The following FAM240B variants were observed in gnomAD, a reference collection of about 807,000 sequenced individuals.
The protein encoded by FAM240B is protein FAM240B.
chr9:38,697,205 G>A (rs1035957379), intron 2 of FAM240B, among the ~76,000 whole-genome samples: 18 of 152,328 alleles, frequency 1.2e-4, no homozygotes, highest in Admixed American at 1.1e-3. Flanking sequence ...CAGATGTAAG[G>A]AGCAAAGTTG....
chr9:38,703,875 T>C lies in FAM240B; in HGVS notation c.125A>G (p.Glu42Gly), dbSNP rs1327051305. ...CACATACTTTTTCAGGGCGCTTCTT[T>C]CTTGACGATCTTCCTCCAGTTCTCG... ...FYRELEEDRQ[E>G]RSALKKLREE... is the part of the protein sequence containing the mutation. Residue 42 changes from glutamate to glycine, a missense_variant, in exon 2 of 3, where the codon GAA (glutamate) becomes GGA (glycine). Coordinates refer to ENST00000637493, the MANE Select transcript of FAM240B (RefSeq NM_001394922.1). The C allele has an allele frequency of 2.5e-6, 1 of 400,408 alleles. No homozygotes were observed. Among genetic ancestry groups the C allele is most frequent in the Non-Finnish European group, 4.4e-6 (1 of 226,122 alleles). The allele number at this position is 400,408 out of a possible 1,614,324, so 24.8% of individuals were successfully genotyped here.
chr9:38,713,481 C>CAAAAAAAAAAAAA (rs77404875), intron 1 of FAM240B, among the ~76,000 whole-genome samples: 1 of 83,592 alleles, frequency 1.2e-5, no homozygotes, highest in Non-Finnish European at 2.1e-5. Flanking sequence ...CCGTTTCAAA[C>CAAAAAAAAAAAAA]AAAAAAAAAA....
At chr9:38,708,225 A>C (rs1821213454) in intron 1 of FAM240B, among the ~76,000 whole-genome samples, 1 of 151,564 alleles carries the variant, frequency 6.6e-6, no homozygotes, top group African/African-American at 2.4e-5. Context: ...TTTTCTCGAA[A>C]CCTCCTCCCT....
At chr9:38,698,643 A>T (rs900678209) in intron 2 of FAM240B, among the ~76,000 whole-genome samples, 2 of 152,158 alleles carry the variant, frequency 1.3e-5, no homozygotes, top group Non-Finnish European at 2.9e-5. Context: ...AAAAAATCTC[A>T]TACACATCTA....
chr9:38,706,330 A>G (rs1264140389), intron 1 of FAM240B, among the ~76,000 whole-genome samples: 2 of 151,618 alleles, frequency 1.3e-5, no homozygotes, highest in East Asian at 3.9e-4. Context: ...TGGAGCCTGC[A>G]CTCTTCCCAC....
At chr9:38,695,026 C>T (rs897706539) in intron 2 of FAM240B, among the ~76,000 whole-genome samples, 157 bp from the exon 3 acceptor site, 2 of 152,160 alleles carry the variant, frequency 1.3e-5, no homozygotes, top group South Asian at 2.1e-4. Context: ...GTTCAACTCC[C>T]ACTTATGAGT....
intron 2 of FAM240B, among the ~76,000 whole-genome samples, chr9:38,697,189 G>A (rs1039956826): frequency 5.3e-5 from 8 of 152,180 alleles, no homozygotes; most frequent in African/African-American, 1.9e-4. Context: ...ATGAAAATGC[G>A]CCACTCAGAT....
chr9:38,718,026 C>G (rs1476983651), intron 1 of FAM240B, among the ~76,000 whole-genome samples: 2 of 152,076 alleles, frequency 1.3e-5, no homozygotes, highest in African/African-American at 4.8e-5. Flanking sequence ...CGTATGTGTA[C>G]AAAATATTGT....
Position 38,694,689 on chromosome 9 carries a change from A to T in FAM240B, c.*87T>A. 1 of 397,814 alleles carries T rather than the reference A, an allele frequency of 2.5e-6. No homozygotes were observed. The highest frequency in any genetic ancestry group is 4.4e-6 in the Non-Finnish European group (1 of 225,740). The allele number at this position is 397,814 out of a possible 1,614,324, so 24.6% of individuals were successfully genotyped here. On this transcript the variant is annotated 3_prime_UTR_variant, in exon 3 of 3. Transcript: ENST00000637493. ...AGCACAAATAGAGAGCGTCCTGTTT[A>T]GTAAATCAGCACAACTTGAGTGTTA...
intron 2 of FAM240B, among the ~76,000 whole-genome samples, chr9:38,698,987 T>C (rs922155812): frequency 5.3e-5 from 8 of 152,292 alleles, no homozygotes; most frequent in African/African-American, 1.7e-4. Flanking sequence ...GGAAGGTCCA[T>C]AGGAGGAAGA....
chr9:38,713,261 G>A (rs12005638), intron 1 of FAM240B, among the ~76,000 whole-genome samples: 2,411 of 152,126 alleles, frequency 0.016, 53 homozygotes, highest in African/African-American at 0.056. Context: ...GACGGATCAC[G>A]AGGTCAGGAG....
At chr9:38,701,428 T>C (rs1252454482) in intron 2 of FAM240B, among the ~76,000 whole-genome samples, 1 of 152,226 alleles carries the variant, frequency 6.6e-6, no homozygotes, top group Non-Finnish European at 1.5e-5. Flanking sequence ...GAGTTGTGTA[T>C]GTGTTTGCTT....
chr9:38,711,366 T>G (rs760284880), intron 1 of FAM240B, among the ~76,000 whole-genome samples: 5 of 152,178 alleles, frequency 3.3e-5, no homozygotes, highest in Non-Finnish European at 7.3e-5. Flanking sequence ...TCACCCAAGG[T>G]GAAAATACCT....
At chr9:38,709,959 A>G (rs16935345) in intron 1 of FAM240B, among the ~76,000 whole-genome samples, 8 of 152,140 alleles carry the variant, frequency 5.3e-5, no homozygotes, top group Non-Finnish European at 7.4e-5. Context: ...GGGAGCGTGT[A>G]TGTGCTCTTG....
At chr9:38,711,659 CTTTTTTT>C (rs71365908) in intron 1 of FAM240B, among the ~76,000 whole-genome samples, 7 of 139,028 alleles carry the variant, frequency 5.0e-5, no homozygotes, top group African/African-American at 1.6e-4. Flanking sequence ...CTTTCTTCTT[CTTTTTTT>C]TTTTTTTTTT....
chr9:38,698,813 C>T (rs974726312), intron 2 of FAM240B, among the ~76,000 whole-genome samples: 1 of 152,200 alleles, frequency 6.6e-6, no homozygotes, highest in African/African-American at 2.4e-5. Flanking sequence ...ATTCAGGCCT[C>T]CATCTATCCA....
At position 38,715,138 on chromosome 9, in the gene FAM240B, G is replaced by A. The variant is rs543342486; in HGVS notation, c.-4+4884C>T. On this transcript the variant is annotated intron_variant, in intron 1 of 2. Coordinates refer to ENST00000637493, the MANE Select transcript of FAM240B (RefSeq NM_001394922.1). ...ACCATCAGCAGACAGGAATTAAGGA[G>A]CATTGTTTGCCTGAGGAACATTTTC... Among the ~76,000 whole-genome samples, 10 of 152,292 alleles carry A rather than the reference G, an allele frequency of 6.6e-5. No individual in the cohort carries two copies. In the East Asian group the frequency reaches 1.7e-3, roughly 26 times the overall value.
At chr9:38,708,980 C>T (rs1054086029) in intron 1 of FAM240B, among the ~76,000 whole-genome samples, 2 of 151,974 alleles carry the variant, frequency 1.3e-5, no homozygotes, top group African/African-American at 2.4e-5. Flanking sequence ...AAGCCTTTAG[C>T]AAAGCTCTTG....
intron 1 of FAM240B, among the ~76,000 whole-genome samples, chr9:38,714,925 G>T (rs1156975518): frequency 6.6e-6 from 1 of 152,204 alleles, no homozygotes; most frequent in Non-Finnish European, 1.5e-5. Context: ...GATAAATTCT[G>T]CAGTAAATTT....
Sources: gnomAD v4.1 joint callset for allele counts (sites outside exome capture counted in the v4.1 genomes callset) on GRCh38, gnomAD v4.1.1 for gene constraint, MANE v1.5 for transcripts, NCBI Gene and HGNC (gene_info 2026-07-23, HGNC 2026-07-21) for gene names.